The following POLN variants were observed in gnomAD, a reference collection of about 807,000 sequenced individuals.
POLN encodes the protein DNA polymerase N.
Under a neutral mutation model 113.5 loss-of-function variants are expected in POLN, and 108 were observed. The observed-to-expected ratio is 0.95, with a 90% CI of 0.81 to 1.12. The LOEUF (loss-of-function observed/expected upper bound fraction) is 1.12. Ranked by LOEUF, POLN falls within the 50% of genes most tolerant of loss-of-function variation. The pLI is 0.00. For synonymous variants in POLN, 386 were observed against 391.5 expected (o/e 0.99, Z 0.17); for missense variants, 1,097 against 1,077.1 (o/e 1.02, Z -0.26).
At chr4:2,152,340 A>ATTT (rs75242681) in intron 16 of POLN, among the ~76,000 whole-genome samples, 1 of 129,502 alleles carries the variant, frequency 7.7e-6, no homozygotes, top group Admixed American at 8.0e-5. Context: ...ACCTGGCCTG[A>ATTT]TTTTTTTTTT....
At chr4:2,167,341 A>G (rs185026828) in intron 13 of POLN, among the ~76,000 whole-genome samples, 48 of 152,050 alleles carry the variant, frequency 3.2e-4, no homozygotes, top group African/African-American at 5.3e-4. Context: ...TTCACTGCAG[A>G]AAAAAAACAC....
intron 19 of POLN, among the ~76,000 whole-genome samples, chr4:2,119,587 A>C (rs1731394676): frequency 1.3e-5 from 2 of 152,156 alleles, no homozygotes; most frequent in African/African-American, 4.8e-5. Flanking sequence ...CATTTATATA[A>C]GCTTAAAGGT....
At chr4:2,101,826 C>T (rs941142457) in intron 19 of POLN, among the ~76,000 whole-genome samples, 3 of 152,222 alleles carry the variant, frequency 2.0e-5, no homozygotes, top group African/African-American at 7.2e-5. Flanking sequence ...TGAAAGTAGG[C>T]ACTTCCCCTG....
At chr4:2,121,130 T>C (rs1483868795) in intron 19 of POLN, among the ~76,000 whole-genome samples, 1 of 152,104 alleles carries the variant, frequency 6.6e-6, no homozygotes, top group Non-Finnish European at 1.5e-5. Context: ...AGGCATTCTT[T>C]CACCATTAAA....
intron 16 of POLN, among the ~76,000 whole-genome samples, chr4:2,148,599 G>A (rs904513272): frequency 5.3e-5 from 8 of 151,826 alleles, no homozygotes; most frequent in African/African-American, 9.7e-5. Flanking sequence ...CCCAGGAGGC[G>A]GAGGTTGCAG....
At chr4:2,238,826 T>C in intron 2 of POLN, 1 of 1,612,976 alleles carries the variant, frequency 6.2e-7, no homozygotes, top group Non-Finnish European at 8.5e-7. Context: ...TTTTATTAAT[T>C]GATTTAAAAC....
chr4:2,106,518 TATAA>T (rs1400951829), intron 19 of POLN, among the ~76,000 whole-genome samples: 8 of 152,298 alleles, frequency 5.3e-5, no homozygotes, highest in African/African-American at 1.9e-4. Context: ...GCCTAACCCA[TATAA>T]ATACTTATAA....
At position 2,089,024 on chromosome 4, in the gene POLN, T is replaced by C. The variant is rs550077208; in HGVS notation, c.2066-3280A>G. 51 of 879,458 alleles carry C rather than the reference T, an allele frequency of 5.8e-5. 1 individual carries two copies. The highest frequency in any genetic ancestry group is 2.6e-4 in the East Asian group (10 of 37,938). 54.5% of individuals were successfully genotyped at this position (879,458 alleles called of 1,614,324 possible). On this transcript the variant is annotated intron_variant, in intron 20 of 25. Coordinates refer to ENST00000511885, the MANE Select transcript of POLN (RefSeq NM_181808.4). ...GTTTTTCTCATTATCCTTAGCAAAA[T>C]TGGATTTCTTCCCTAGCTTTGAACT...
chr4:2,223,278 G>C (rs773944440), intron 3 of POLN, among the ~76,000 whole-genome samples: 20 of 152,160 alleles, frequency 1.3e-4, no homozygotes, highest in Non-Finnish European at 2.5e-4. Flanking sequence ...ACCAGTACCT[G>C]TCTGTAGTCT....
At chr4:2,121,033 T>A (rs1378511489) in intron 19 of POLN, among the ~76,000 whole-genome samples, 1 of 152,210 alleles carries the variant, frequency 6.6e-6, no homozygotes, top group Non-Finnish European at 1.5e-5. Context: ...TCCTTTCCAA[T>A]CTATATGTCA....
chr4:2,139,107 G>C (rs1038991440), intron 16 of POLN, among the ~76,000 whole-genome samples: 3 of 152,128 alleles, frequency 2.0e-5, no homozygotes, highest in African/African-American at 7.2e-5. Context: ...AGAGGGAGAG[G>C]AGCCCCTCCT....
At chr4:2,118,624 T>C (rs1731372591) in intron 19 of POLN, among the ~76,000 whole-genome samples, 4 of 152,230 alleles carry the variant, frequency 2.6e-5, no homozygotes, top group Admixed American at 2.6e-4. Flanking sequence ...CCATCCTTCA[T>C]CCTCCAGTAA....
At chr4:2,086,389 CCA>C (rs1730551433) in intron 20 of POLN, among the ~76,000 whole-genome samples, 7 of 152,320 alleles carry the variant, frequency 4.6e-5, no homozygotes, top group South Asian at 2.1e-4. Context: ...GGTTCAGTGA[CCA>C]CAGAAGCCTG....
chr4:2,188,382 C>T (rs1367199098), intron 7 of POLN, among the ~76,000 whole-genome samples: 3 of 152,066 alleles, frequency 2.0e-5, no homozygotes, highest in Non-Finnish European at 2.9e-5. Context: ...GGGCAGATCA[C>T]GAGGTCAGGA....
chr4:2,163,752 G>A (rs55876342), intron 13 of POLN, among the ~76,000 whole-genome samples: 12,251 of 152,238 alleles, frequency 0.08, 733 homozygotes, highest in African/African-American at 0.16. Context: ...CCAAATCTCC[G>A]GGCAGGGCAG....
At chr4:2,095,829 C>A (rs780391252) in intron 20 of POLN, 22 bp downstream of exon 20, 1 of 1,611,616 alleles carries the variant, frequency 6.2e-7, no homozygotes. Flanking sequence ...CCCGAGACCC[C>A]AGCTCCCGGC....
Position 2,115,940 on chromosome 4 carries a change from T to C in POLN, c.1982+12173A>G, listed in dbSNP as rs530240365. On this transcript the variant is annotated intron_variant, in intron 19 of 25. Coordinates refer to ENST00000511885, the MANE Select transcript of POLN (RefSeq NM_181808.4). ...GCTTAGCTGTCAGCTTTTCAGACGA[T>C]AGGAGACCCATGTGTTTCAGACCAG... Among the ~76,000 whole-genome samples the C allele has an allele frequency of 7.2e-5, 11 of 152,352 alleles. No homozygotes were observed. The South Asian group carries it at 2.1e-3, about 29-fold the overall frequency.
At chr4:2,138,141 T>C (rs544261418) in intron 16 of POLN, among the ~76,000 whole-genome samples, 2 of 152,290 alleles carry the variant, frequency 1.3e-5, no homozygotes, top group East Asian at 3.9e-4. Context: ...CCAGCCAGGA[T>C]AGAGTTTTGA....
At chr4:2,141,433 G>A (rs1043351330) in intron 16 of POLN, among the ~76,000 whole-genome samples, 17 of 152,096 alleles carry the variant, frequency 1.1e-4, no homozygotes, top group South Asian at 8.3e-4. Context: ...CATACCCCCC[G>A]GCACCTGAAG....
Sources: gnomAD v4.1 joint callset for allele counts (sites outside exome capture counted in the v4.1 genomes callset) on GRCh38, gnomAD v4.1.1 for gene constraint, MANE v1.5 for transcripts, NCBI Gene and HGNC (gene_info 2026-07-23, HGNC 2026-07-21) for gene names.